Variants in KMT2E observed in about 807,000 individuals in gnomAD.
KMT2E encodes the protein lysine methyltransferase 2E (inactive).
A neutral mutation model predicts 184.6 loss-of-function variants in KMT2E; 30 were observed. The observed-to-expected ratio is 0.16, with a 90% CI of 0.12 to 0.22. KMT2E has a LOEUF of 0.22. Among genes scored for constraint, KMT2E ranks in the 10% least tolerant of loss-of-function variants. KMT2E has a pLI of 1.00. For missense variants in KMT2E, 2,023 were observed against 2,237.4 expected, an observed-to-expected ratio of 0.90 and a Z score of 1.93; for synonymous variants, 815 against 776.5, an observed-to-expected ratio of 1.05 and a Z score of -0.82.
chr7:105,067,209 T>C (rs536051649), intron 6 of KMT2E, among the ~76,000 whole-genome samples: 1 of 152,138 alleles, frequency 6.6e-6, no homozygotes, highest in East Asian at 1.9e-4. Flanking sequence ...CAGGAAAATA[T>C]CTATCAATAG....
chr7:105,022,124 G>A (rs1794981527), intron 1 of KMT2E, among the ~76,000 whole-genome samples: 1 of 152,096 alleles, frequency 6.6e-6, no homozygotes, highest in Non-Finnish European at 1.5e-5. Flanking sequence ...GAACACGCAT[G>A]TTTTCCTAAG....
intron 13 of KMT2E, chr7:105,089,253 C>T: frequency 2.4e-6 from 1 of 415,684 alleles, no homozygotes; most frequent in Non-Finnish European, 4.8e-6. Flanking sequence ...GGCTGGAATG[C>T]AGTGGCACAA....
chr7:105,112,175 G>A lies in KMT2E; in HGVS notation c.4419G>A (p.Gln1473=). 2 of 1,614,088 alleles carry A rather than the reference G, an allele frequency of 1.2e-6. No individual in the cohort carries two copies. The highest frequency in any genetic ancestry group is 1.7e-6 in the Non-Finnish European group (2 of 1,180,006). Residue 1473 remains glutamine, a synonymous_variant, in exon 27 of 27, where the codon CAG becomes CAA. Coordinates refer to ENST00000311117, the MANE Select transcript of KMT2E (RefSeq NM_182931.3). The stretch of plus-strand genomic sequence containing the variant: ...TTTCACCAAAGCCTCCTTCACAGCA[G>A]TTAGGATCTCCCTACAGGCCTCATC... ...GYLSPKPPSQ[Q]LGSPYRPHHS...
chr7:105,095,271 T>C (rs957241522), intron 15 of KMT2E, among the ~76,000 whole-genome samples: 2 of 152,220 alleles, frequency 1.3e-5, no homozygotes, highest in Admixed American at 6.5e-5. Context: ...TTTATATTTA[T>C]GTATATTTAA....
intron 3 of KMT2E, among the ~76,000 whole-genome samples, chr7:105,057,537 C>T (rs1364843533): frequency 6.6e-6 from 1 of 152,094 alleles, no homozygotes; most frequent in Non-Finnish European, 1.5e-5. Context: ...TTCAACTTGC[C>T]TGTCTCAGGT....
chr7:105,060,986 C>T (rs541473434), intron 3 of KMT2E, among the ~76,000 whole-genome samples: 99 of 152,236 alleles, frequency 6.5e-4, no homozygotes, highest in Non-Finnish European at 1.1e-3. Flanking sequence ...CAGAATGTAT[C>T]TCCAATGTTA....
At chr7:105,032,791 A>G (rs142728850) in intron 1 of KMT2E, among the ~76,000 whole-genome samples, 94 of 152,370 alleles carry the variant, frequency 6.2e-4, no homozygotes, top group African/African-American at 2.2e-3. Context: ...GTTGTGAGCC[A>G]CCATGTCCAT....
chr7:105,114,693 A>G lies in KMT2E; in HGVS notation c.*1360A>G, dbSNP rs1171954852. Reference sequence around the variant, plus strand: ...TTGGCACAGGATACAAATTCTGTGCATCAGAGAAAGTAAACACTAAAATGA... The same window carrying G: ...TTGGCACAGGATACAAATTCTGTGCGTCAGAGAAAGTAAACACTAAAATGA... On this transcript the variant is annotated 3_prime_UTR_variant, in exon 27 of 27. Transcript: ENST00000311117. 1.3e-5 allele frequency among the ~76,000 whole-genome samples: 2 copies of G among 152,220 alleles called. No homozygotes were observed. The highest frequency in any genetic ancestry group is 2.9e-5 in the Non-Finnish European group (2 of 68,030).
chr7:105,064,121 G>C, intron 5 of KMT2E: 1 of 321,586 alleles, frequency 3.1e-6, no homozygotes, highest in Non-Finnish European at 6.1e-6. Context: ...GAGAAGGTGT[G>C]ATTGGGACAG....
chr7:105,059,978 G>GTTGTTTTTTTTT (rs1796734822), intron 3 of KMT2E, among the ~76,000 whole-genome samples: 5 of 51,764 alleles, frequency 9.7e-5, no homozygotes, highest in South Asian at 1.0e-3. Flanking sequence ...TCTTGTTGTT[G>GTTGTTTTTTTTT]TTTTTTTTTT....
intron 6 of KMT2E, among the ~76,000 whole-genome samples, chr7:105,069,764 C>T (rs1797202534): frequency 6.6e-6 from 1 of 152,180 alleles, no homozygotes; most frequent in African/African-American, 2.4e-5. Context: ...AACACAGTCA[C>T]TCTATAGAAC....
At chr7:105,018,135 A>G (rs1302405383) in intron 1 of KMT2E, among the ~76,000 whole-genome samples, 1 of 152,208 alleles carries the variant, frequency 6.6e-6, no homozygotes, top group African/African-American at 2.4e-5. Context: ...GTTTTCATTC[A>G]TCAATCTTCT....
chr7:105,113,996 ATTTC>A lies in KMT2E; in HGVS notation c.*667_*670del, dbSNP rs955791774. On this transcript the variant is annotated 3_prime_UTR_variant, in exon 27 of 27. Transcript: ENST00000311117. ...AAAGTAGTACAGTATATGACCTTTA[ATTTC>A]TTTTTTATTTTAAATATACTGTCAC... 6.6e-6 allele frequency: 1 copy of A among 152,618 alleles called. No homozygotes were observed. The highest frequency in any genetic ancestry group is 2.4e-5 in the African/African-American group (1 of 41,388). 9.5% of individuals were successfully genotyped at this position (152,618 alleles called of 1,614,324 possible).
intron 3 of KMT2E, 48 bp downstream of exon 3, chr7:105,041,071 T>A: frequency 9.8e-7 from 1 of 1,015,658 alleles, no homozygotes; most frequent in Non-Finnish European, 1.5e-6. Flanking sequence ...AAAAAACCCT[T>A]CTGGAGCTAG....
At chr7:105,057,252 C>G (rs1411754768) in intron 3 of KMT2E, among the ~76,000 whole-genome samples, 1 of 152,158 alleles carries the variant, frequency 6.6e-6, no homozygotes, top group African/African-American at 2.4e-5. Flanking sequence ...TGCTGGCACC[C>G]AGTGTATAGA....
At chr7:105,087,759 T>G (rs931626440) in intron 13 of KMT2E, among the ~76,000 whole-genome samples, 1 of 151,626 alleles carries the variant, frequency 6.6e-6, no homozygotes, top group East Asian at 1.9e-4. Context: ...CATTTGGATT[T>G]CTCTCTTGTG....
chr7:105,043,548 TTC>T (rs1795977104), intron 3 of KMT2E, among the ~76,000 whole-genome samples: 1 of 152,204 alleles, frequency 6.6e-6, no homozygotes, highest in African/African-American at 2.4e-5. Context: ...TTACTTAAAT[TTC>T]TGCATTAATA....
At chr7:105,108,801 GTTAA>G (rs1267578381) in intron 22 of KMT2E, 137 bp from the exon 23 acceptor site, 56 of 707,586 alleles carry the variant, frequency 7.9e-5, no homozygotes, top group Non-Finnish European at 8.4e-5. Context: ...TTTGGTAATT[GTTAA>G]TTATTTGTTC....
At chr7:105,091,623 G>T in intron 15 of KMT2E, 1 of 447,412 alleles carries the variant, frequency 2.2e-6, no homozygotes, top group South Asian at 4.5e-5. Flanking sequence ...TGTTCAGAAT[G>T]TCTTTTATTA....
Sources: gnomAD v4.1 joint callset for allele counts (sites outside exome capture counted in the v4.1 genomes callset) on GRCh38, gnomAD v4.1.1 for gene constraint, MANE v1.5 for transcripts, NCBI Gene and HGNC (gene_info 2026-07-23, HGNC 2026-07-21) for gene names.